LTBP3: variants seen among roughly 807,000 people sequenced by gnomAD.
LTBP3 encodes latent transforming growth factor beta binding protein 3.
Under a neutral mutation model 159.7 loss-of-function variants are expected in LTBP3, and 97 were observed. That is an observed-to-expected ratio of 0.61 (90% confidence interval 0.52 to 0.72). LTBP3 has a LOEUF of 0.72. Among genes scored for constraint, LTBP3 ranks in the 30% least tolerant of loss-of-function variants. The pLI, the probability that LTBP3 is intolerant of heterozygous loss-of-function variation, is 0.00. For missense variants in LTBP3, 1,584 were observed against 1,864.3 expected (o/e 0.85, Z 2.77); for synonymous variants, 824 against 777.1 (o/e 1.06, Z -1.00).
chr11:65,546,899 G>A lies in LTBP3; in HGVS notation c.2129C>T (p.Pro710Leu). 1 of 1,612,476 alleles carries A rather than the reference G, an allele frequency of 6.2e-7. No individual in the cohort carries two copies. The highest frequency in any genetic ancestry group is 8.5e-7 in the Non-Finnish European group (1 of 1,179,980). Residue 710 changes from proline (P) to leucine (L), a missense_variant, in exon 15 of 28, where the codon CCA becomes CTA. Pro to Leu is a moderately conservative substitution (Grantham distance 98, BLOSUM62 -3). Around this residue, in one of 6 missense-constraint regions of LTBP3, gnomAD observed 565 missense variants for 677.7 expected, o/e 0.83. Transcript: ENST00000301873. This position sits in a 1 kb window ranked among gnomAD's most constrained non-coding sequence, Gnocchi z 4.0. ...GCATTTGCCATCCGGGCAAGAGCTT[G>A]GGTCCCGGCACTCGTCGATGTCTGC... The part of the protein sequence containing the change: ...VCEDIDECRD[P>L]SSCPDGKCEN...
Position 65,546,703 on chromosome 11 carries a change from CA to C in LTBP3, c.2230+94del. The C allele has an allele frequency of 6.5e-7, 1 of 1,528,932 alleles. No homozygotes were observed. The allele number at this position is 1,528,932 out of a possible 1,614,324, so 94.7% of individuals were successfully genotyped here. A position where few individuals can be genotyped will look rare whatever the true frequency, so the allele number is the denominator to read the frequency against. On this transcript the variant is annotated intron_variant, in intron 15 of 27. Transcript: ENST00000301873. This position sits in a 1 kb window ranked among gnomAD's most constrained non-coding sequence, Gnocchi z 4.0. ...CCCGGAAGGCCCCGCCCCCAGACGC[CA>C]ATCACCACCGCTACCCCGCCCCGCC...
chr11:65,543,254 CAG>C, intron 17 of LTBP3, 30 bp from the exon 18 acceptor site: 5 of 1,613,912 alleles, frequency 3.1e-6, no homozygotes, highest in East Asian at 2.2e-5. Flanking sequence ...TGGAGAATCT[CAG>C]GGGCTGATCA....
chr11:65,557,508 C>T, intron 1 of LTBP3, 121 bp downstream of exon 1: 1 of 1,396,978 alleles, frequency 7.2e-7, no homozygotes, highest in Non-Finnish European at 9.8e-7. Flanking sequence ...TCCCCCAGGC[C>T]CTCGGATCTC....
chr11:65,539,177 C>A lies in LTBP3; in HGVS notation c.3815G>T (p.Arg1272Leu), dbSNP rs1237168707. The stretch of plus-strand genomic sequence containing the variant: ...GAAGGAGCCGCTGGTGTTCACGCAG[C>A]GCTCGCTCTTGCACAGCAGCCCGCG... ...NQRGLLCKSE[R>L]CVNTSGSFRC... The change falls in exon 28 of 28, where the codon CGC becomes CTC. Residue 1272 changes from arginine (R) to leucine (L), a missense_variant. Arg to Leu is a moderately radical substitution (Grantham distance 102, BLOSUM62 -2). Coordinates refer to ENST00000301873, the MANE Select transcript of LTBP3 (RefSeq NM_001130144.3). 1.3e-6 allele frequency: 2 copies of A among 1,513,266 alleles called. No individual in the cohort carries two copies. Among genetic ancestry groups the A allele is most frequent in the African/African-American group, 1.4e-5 (1 of 70,046 alleles). The allele number at this position is 1,513,266 out of a possible 1,614,324, so 93.7% of individuals were successfully genotyped here. A position where few individuals can be genotyped will look rare whatever the true frequency, so the allele number is the denominator to read the frequency against.
Position 65,545,861 on chromosome 11 carries a change from C to T in LTBP3, c.2353+581G>A, listed in dbSNP as rs541113287. 43 of 188,106 alleles carry T rather than the reference C, an allele frequency of 2.3e-4. No individual in the cohort carries two copies. In the Middle Eastern group the frequency reaches 9.5e-3, roughly 41 times the overall value. 11.7% of individuals were successfully genotyped at this position (188,106 alleles called of 1,614,324 possible). A position where few individuals can be genotyped will look rare whatever the true frequency, so the allele number is the denominator to read the frequency against. On this transcript the variant is annotated intron_variant, in intron 16 of 27. Transcript: ENST00000301873. ...TGTCCCTCCCCGGCCAGCCTCAGCC[C>T]CCATAGCCTGATCATTCCTTACAGT...
intron 1 of LTBP3, among the ~76,000 whole-genome samples, chr11:65,557,094 T>G (rs894237597): frequency 6.6e-6 from 1 of 152,066 alleles, no homozygotes; most frequent in Non-Finnish European, 1.5e-5. Flanking sequence ...ACCCTACTTT[T>G]AGGCCTCAAC....
At chr11:65,548,465 ACTCCATAAGCCCTTG>A in intron 11 of LTBP3, 1 of 333,652 alleles carries the variant, frequency 3.0e-6, no homozygotes, top group Non-Finnish European at 5.6e-6. Flanking sequence ...TAGCCCAGTG[ACTCCATAAGCCCTTG>A]CCCCAGGGAC....
chr11:65,542,966 ATGG>A, intron 18 of LTBP3, 136 bp downstream of exon 18: 1 of 1,093,418 alleles, frequency 9.1e-7, no homozygotes, highest in Non-Finnish European at 1.3e-6. Context: ...GGATGGATGG[ATGG>A]ATGGATAGAT....
chr11:65,547,168 C>T lies in LTBP3; in HGVS notation c.2108-248G>A, dbSNP rs1039553411. 3.3e-5 allele frequency among the ~76,000 whole-genome samples: 5 copies of T among 152,064 alleles called. No homozygotes were observed. Among genetic ancestry groups the T allele is most frequent in the Non-Finnish European group, 4.4e-5 (3 of 67,988 alleles). On this transcript the variant is annotated intron_variant, in intron 14 of 27. Coordinates refer to ENST00000301873, the MANE Select transcript of LTBP3 (RefSeq NM_001130144.3). The surrounding 1 kb of genome is among the most constrained non-coding windows in gnomAD (Gnocchi z 4.6). Reference sequence around the variant, plus strand: ...TTCGAGACCAGCCTGGCCAACATGGCGAAACCCCGTCTCTACTAAAAATAC... The same window carrying T: ...TTCGAGACCAGCCTGGCCAACATGGTGAAACCCCGTCTCTACTAAAAATAC...
At chr11:65,545,572 TAAA>T (rs1208081933) in intron 16 of LTBP3, 1 of 230,656 alleles carries the variant, frequency 4.3e-6, no homozygotes, top group Non-Finnish European at 8.6e-6. Context: ...GACATCCAGT[TAAA>T]AAACCCAGGA....
intron 21 of LTBP3, 67 bp downstream of exon 21, chr11:65,540,804 G>C: frequency 6.6e-7 from 1 of 1,522,264 alleles, no homozygotes; most frequent in Non-Finnish European, 8.9e-7. Flanking sequence ...GCGAGTCCCG[G>C]CGGGATCCGG....
chr11:65,551,998 G>C lies in LTBP3; in HGVS notation c.1505C>G (p.Pro502Arg), dbSNP rs1408149487. Residue 502 changes from proline to arginine, a missense_variant, in exon 8 of 28, where the codon CCA (proline) becomes CGA (arginine). By Grantham distance (103) the Pro-to-Arg change is moderately radical. Transcript: ENST00000301873. Reference sequence around the variant, plus strand: ...TCTCTCTTCCTCTGTGTCCTCAGGTGGTGGAGCCTGGCTAGGGCTCTCCGG... The same window carrying C: ...TCTCTCTTCCTCTGTGTCCTCAGGTCGTGGAGCCTGGCTAGGGCTCTCCGG... ...QLPESPSQAP[P>R]PEDTEEERGV... 4 of 1,613,944 alleles carry C rather than the reference G, an allele frequency of 2.5e-6. No homozygotes were observed. The highest frequency in any genetic ancestry group is 2.5e-6 in the Non-Finnish European group (3 of 1,180,006).
In LTBP3 at chr11:65,547,030, A is replaced by T; in HGVS notation, c.2108-110T>A. On this transcript the variant is annotated intron_variant, in intron 14 of 27. Coordinates refer to ENST00000301873, the MANE Select transcript of LTBP3 (RefSeq NM_001130144.3). The surrounding 1 kb of genome is among the most constrained non-coding windows in gnomAD (Gnocchi z 4.6). ...CCACACAGATCAACGAGGCTCCCGG[A>T]CCCCAACCTCTGAGAGGCCCAGAGC... is the stretch of plus-strand genomic sequence containing the variant. 3 of 1,495,470 alleles carry T rather than the reference A, an allele frequency of 2.0e-6. No homozygotes were observed. The highest frequency in any genetic ancestry group is 2.7e-6 in the Non-Finnish European group (3 of 1,097,374). 92.6% of individuals were successfully genotyped at this position (1,495,470 alleles called of 1,614,324 possible).
chr11:65,538,780 G>A lies in LTBP3; in HGVS notation c.*300C>T, dbSNP rs74528698. On this transcript the variant is annotated 3_prime_UTR_variant, in exon 28 of 28. Coordinates refer to ENST00000301873, the MANE Select transcript of LTBP3 (RefSeq NM_001130144.3). ...GCCGCCCTGCGCAGCCCGCGCCCAC[G>A]TCAGACGTGAACATCAATTTGCTTC... is the stretch of plus-strand genomic sequence containing the variant. 2.4e-6 allele frequency: 2 copies of A among 829,080 alleles called. No individual in the cohort carries two copies. Among genetic ancestry groups the A allele is most frequent in the Middle Eastern group, 3.7e-4 (1 of 2,680 alleles). 51.4% of individuals were successfully genotyped at this position (829,080 alleles called of 1,614,324 possible).
Position 65,538,961 on chromosome 11 carries a change from G to T in LTBP3, c.*119C>A, listed in dbSNP as rs1004312802. The T allele has an allele frequency of 2.3e-6, 3 of 1,315,756 alleles. No individual in the cohort carries two copies. In the African/African-American group the frequency reaches 4.7e-5, roughly 21 times the overall value. The allele number at this position is 1,315,756 out of a possible 1,614,324, so 81.5% of individuals were successfully genotyped here. ...GCCTCGGGTCTCAAGGCGCCGGGAG[G>T]GTCTGCGGGCCCTGAAGGTCCCTGG... On this transcript the variant is annotated 3_prime_UTR_variant, in exon 28 of 28. Coordinates refer to ENST00000301873, the MANE Select transcript of LTBP3 (RefSeq NM_001130144.3).
rs768032779 is a variant in LTBP3 at position 65,552,976 on chromosome 11, T to A, written c.1070A>T (p.Asn357Ile). Residue 357 changes from asparagine (N) to isoleucine (I), a missense_variant, in exon 6 of 28, where the codon AAC becomes ATC. Around this residue, in one of 6 missense-constraint regions of LTBP3, gnomAD observed 156 missense variants for 259.7 expected, o/e 0.60. Coordinates refer to ENST00000301873, the MANE Select transcript of LTBP3 (RefSeq NM_001130144.3). This position sits in a 1 kb window ranked among gnomAD's most constrained non-coding sequence, Gnocchi z 6.0. ...RLNSTHCQDI[N>I]ECAMPGVCRH... is the part of the protein sequence containing the mutation. ...ACACACGCCCGGCATTGCGCACTCG[T>A]TGATGTCTGTGGTAAGTGGAAGTTT... is the stretch of plus-strand genomic sequence containing the variant. 5 of 1,614,166 alleles carry A rather than the reference T, an allele frequency of 3.1e-6. No homozygotes were observed. In the South Asian group the frequency reaches 5.5e-5, roughly 18 times the overall value.
In LTBP3 at chr11:65,551,042, G is replaced by A. The variant is rs1383088753; in HGVS notation, c.1720+84C>T. 11 of 1,126,086 alleles carry A rather than the reference G, an allele frequency of 9.8e-6. No homozygotes were observed. In the East Asian group the frequency reaches 2.3e-4, roughly 24 times the overall value. 69.8% of individuals were successfully genotyped at this position (1,126,086 alleles called of 1,614,324 possible). ...TACACGCTAGCCTATTAGCGCTAGG[G>A]AATGCCTGGGGGCGGGAGGGAGGAG... On this transcript the variant is annotated intron_variant, in intron 11 of 27. Coordinates refer to ENST00000301873, the MANE Select transcript of LTBP3 (RefSeq NM_001130144.3).
At position 65,539,843 on chromosome 11, in the gene LTBP3, G is replaced by T. The variant is rs1375064634; in HGVS notation, c.3424C>A (p.Arg1142Ser). 15 of 1,524,544 alleles carry T rather than the reference G, an allele frequency of 9.8e-6. No homozygotes were observed. The highest frequency in any genetic ancestry group is 1.2e-5 in the Non-Finnish European group (14 of 1,142,848). The allele number at this position is 1,524,544 out of a possible 1,614,324, so 94.4% of individuals were successfully genotyped here. A position where few individuals can be genotyped will look rare whatever the true frequency, so the allele number is the denominator to read the frequency against. ...CCAGCGCACATGCCGTCCTCTCCGCGCTGGCTCCAGCACACGTCGCGCCGC... is the reference window on the plus strand; with the variant it reads ...CCAGCGCACATGCCGTCCTCTCCGCTCTGGCTCCAGCACACGTCGCGCCGC... The part of the protein sequence containing the change: ...PERRDVCWSQ[R>S]GEDGMCAGPL... Residue 1142 changes from arginine (R) to serine (S), a missense_variant, in exon 25 of 28, where the codon CGC becomes AGC. Physicochemically the swap from Arg to Ser is moderately radical, Grantham distance 110. This residue lies in a region of LTBP3 where 514 missense variants were observed against 530.3 expected (regional missense o/e 0.97). Coordinates refer to ENST00000301873, the MANE Select transcript of LTBP3 (RefSeq NM_001130144.3).
chr11:65,540,703 CG>C, intron 21 of LTBP3, 89 bp from the exon 22 acceptor site: 3 of 1,243,484 alleles, frequency 2.4e-6, no homozygotes, highest in Non-Finnish European at 3.4e-6. Context: ...AAGCCATCCC[CG>C]GGCGGGGCCT....
Sources: gnomAD v4.1 joint callset for allele counts (sites outside exome capture counted in the v4.1 genomes callset) on GRCh38, gnomAD v4.1.1 for gene constraint, gnomAD v4.1.1 regional missense constraint, Gnocchi (gnomAD v3.1) non-coding constraint, MANE v1.5 for transcripts, NCBI Gene and HGNC (gene_info 2026-07-23, HGNC 2026-07-21) for gene names.